HMG20A: variants seen among roughly 807,000 people sequenced by gnomAD.
HMG20A encodes high mobility group 20A.
In HMG20A, 17 loss-of-function variants were observed where a neutral mutation model predicts 43.9. The observed-to-expected ratio is 0.39, with a 90% CI of 0.27 to 0.58. The LOEUF is 0.58. Among genes scored for constraint, HMG20A ranks in the 20% least tolerant of loss-of-function variants. The probability of loss-of-function intolerance (pLI) is 0.59; values close to 1 mark genes in which losing one functional copy is unlikely to be tolerated. For synonymous variants in HMG20A, 132 were observed against 147.5 expected (o/e 0.89, Z 0.76); for missense variants, 341 against 438.2 (o/e 0.78, Z 1.98).
intron 1 of HMG20A, among the ~76,000 whole-genome samples, chr15:77,433,313 G>T (rs1291455929): frequency 7.3e-6 from 1 of 136,316 alleles, no homozygotes; most frequent in Non-Finnish European, 1.5e-5. Flanking sequence ...CTGCACTCCA[G>T]CCTGGATGTT....
chr15:77,446,997 T>C (rs2073682062), intron 1 of HMG20A, among the ~76,000 whole-genome samples: 1 of 152,180 alleles, frequency 6.6e-6, no homozygotes, highest in South Asian at 2.1e-4. Context: ...TTTACCAGCA[T>C]TCCCCATCCC....
intron 4 of HMG20A, among the ~76,000 whole-genome samples, chr15:77,467,526 C>T (rs1056495351): frequency 6.6e-6 from 1 of 152,122 alleles, no homozygotes; most frequent in South Asian, 2.1e-4. Flanking sequence ...TAGGACTCCC[C>T]TCAACCAAAG....
intron 3 of HMG20A, among the ~76,000 whole-genome samples, chr15:77,465,097 T>TA (rs946150304): frequency 2.0e-5 from 3 of 151,520 alleles, no homozygotes; most frequent in Admixed American, 1.3e-4. Flanking sequence ...CCGTCTCTAC[T>TA]AAAAAATACA....
chr15:77,467,365 T>C, intron 4 of HMG20A, 58 bp downstream of exon 4: 1 of 1,431,978 alleles, frequency 7.0e-7, no homozygotes, highest in South Asian at 1.2e-5. Flanking sequence ...AGAAATAACT[T>C]ATATAAGAAA....
chr15:77,464,337 A>G lies in HMG20A; in HGVS notation c.187A>G (p.Ser63Gly), dbSNP rs2072735104. The change falls in exon 3 of 10, where the codon AGT becomes GGT. Residue 63 changes from serine to glycine, a missense_variant. Physicochemically the swap from Ser to Gly is moderately conservative, Grantham distance 56. Transcript: ENST00000336216. The part of the protein sequence containing the change: ...EDLSQGQLLQ[S>G]ESSNAAEGNE... Reference sequence around the variant, plus strand: ...TCTCTCTCAAGGTCAGTTGCTTCAGAGTGAGTCTTCAAATGCAGCAGAAGG... The same window carrying G: ...TCTCTCTCAAGGTCAGTTGCTTCAGGGTGAGTCTTCAAATGCAGCAGAAGG... The G allele has an allele frequency of 1.2e-6, 2 of 1,613,886 alleles. No individual in the cohort carries two copies. The highest frequency in any genetic ancestry group is 2.7e-5 in the African/African-American group (2 of 75,008).
At chr15:77,447,741 G>A (rs1360566714) in intron 1 of HMG20A, 1 of 152,054 alleles carries the variant, frequency 6.6e-6, no homozygotes, top group Admixed American at 6.5e-5. Flanking sequence ...GAAGATAACG[G>A]ACTGTAAAAT....
intron 2 of HMG20A, 166 bp downstream of exon 2, chr15:77,458,662 C>T (rs2072678786): frequency 2.1e-6 from 1 of 484,060 alleles, no homozygotes; most frequent in Non-Finnish European, 3.7e-6. Flanking sequence ...TTGTAATCTG[C>T]ATTCAATTAT....
intron 1 of HMG20A, among the ~76,000 whole-genome samples, chr15:77,426,988 G>A (rs1423140331): frequency 6.6e-6 from 1 of 152,138 alleles, no homozygotes; most frequent in Non-Finnish European, 1.5e-5. Flanking sequence ...AACATCTTAT[G>A]ACCTTGAAGG....
At chr15:77,504,026 A>G in the HMG20A span, among the ~76,000 whole-genome samples, 1 of 152,172 alleles carries the variant, frequency 6.6e-6, no homozygotes, top group African/African-American at 2.4e-5. Context: ...AAGCACCTCT[A>G]CTCTGGGCAT....
chr15:77,441,814 T>C (rs187910874), intron 1 of HMG20A, among the ~76,000 whole-genome samples: 1 of 152,318 alleles, frequency 6.6e-6, no homozygotes, highest in African/African-American at 2.4e-5. Flanking sequence ...AATATTCTAA[T>C]GTTACTAAAC....
the HMG20A span, among the ~76,000 whole-genome samples, chr15:77,497,682 A>AGAGAGAGAGAGAGAGAGT: frequency 2.5e-5 from 3 of 119,084 alleles, no homozygotes; most frequent in African/African-American, 9.5e-5. Flanking sequence ...AGAGAGAGAG[A>AGAGAGAGAGAGAGAGAGT]GTGTGTGTGT....
intron 1 of HMG20A, among the ~76,000 whole-genome samples, chr15:77,451,719 A>G (rs912191218): frequency 1.4e-4 from 22 of 152,210 alleles, no homozygotes; most frequent in African/African-American, 5.1e-4. Flanking sequence ...GAAAAAAGAT[A>G]CATAGTTTGA....
rs2072765700 is a variant in HMG20A, at chr15:77,467,308, G to A, written c.450+1G>A. On this transcript the variant is annotated splice_donor_variant, in intron 4 of 9. Transcript: ENST00000336216. LOFTEE classifies it high-confidence loss of function. ...TAAACTGCCTCCTGAGGAAAAACAG[G>A]TAATTGTTCCTATTCCTGACTCTTT... 6.2e-7 allele frequency: 1 copy of A among 1,606,160 alleles called. No individual in the cohort carries two copies. The highest frequency in any genetic ancestry group is 8.5e-7 in the Non-Finnish European group (1 of 1,173,002).
intron 1 of HMG20A, among the ~76,000 whole-genome samples, chr15:77,434,668 C>T (rs1164076062): frequency 2.0e-5 from 3 of 152,288 alleles, no homozygotes; most frequent in Middle Eastern, 3.4e-3. Flanking sequence ...CAGTGAGATA[C>T]TTGGGACCTC....
intron 1 of HMG20A, among the ~76,000 whole-genome samples, chr15:77,446,747 C>T (rs996684765): frequency 6.7e-6 from 1 of 150,060 alleles, no homozygotes; most frequent in African/African-American, 2.5e-5. Flanking sequence ...GCAGAGCTTG[C>T]AGTGAGCCAA....
intron 6 of HMG20A, among the ~76,000 whole-genome samples, chr15:77,473,442 A>G (rs151319689): frequency 2.6e-5 from 4 of 152,296 alleles, no homozygotes; most frequent in East Asian, 1.9e-4. Context: ...TAGCTTCTCT[A>G]TCCTTAACAG....
the HMG20A span, among the ~76,000 whole-genome samples, chr15:77,497,604 T>A: frequency 1.3e-5 from 2 of 151,652 alleles, no homozygotes; most frequent in Non-Finnish European, 2.9e-5. Flanking sequence ...CAGCAGTGGG[T>A]CTGGGGCCAG....
At chr15:77,435,464 A>T (rs577102941) in intron 1 of HMG20A, among the ~76,000 whole-genome samples, 2 of 151,624 alleles carry the variant, frequency 1.3e-5, no homozygotes, top group South Asian at 2.1e-4. Context: ...CTTTTATTGT[A>T]TTTTTTTTAA....
chr15:77,470,297 T>A (rs535206002), intron 4 of HMG20A, among the ~76,000 whole-genome samples: 2 of 152,242 alleles, frequency 1.3e-5, no homozygotes, highest in South Asian at 4.1e-4. Context: ...GAACTTTGTT[T>A]AAATAATTAA....
Sources: gnomAD v4.1 joint callset for allele counts (sites outside exome capture counted in the v4.1 genomes callset) on GRCh38, gnomAD v4.1.1 for gene constraint, MANE v1.5 for transcripts, NCBI Gene and HGNC (gene_info 2026-07-23, HGNC 2026-07-21) for gene names.